Variants in SWAP70 observed in about 807,000 individuals in gnomAD.
SWAP70 encodes switch-associated protein 70.
A neutral mutation model predicts 80.2 loss-of-function variants in SWAP70; 34 were observed. The observed-to-expected ratio is 0.42, with a 90% CI of 0.32 to 0.56. The LOEUF (loss-of-function observed/expected upper bound fraction) is 0.56. SWAP70 is among the 20% of genes least tolerant of loss of function. The pLI, the probability that SWAP70 is intolerant of heterozygous loss-of-function variation, is 0.09. For missense variants in SWAP70, 578 were observed against 690.7 expected, an observed-to-expected ratio of 0.84 and a Z score of 1.83; for synonymous variants, 239 against 238.5, an observed-to-expected ratio of 1.00 and a Z score of -0.02.
chr11:9,715,879 A>G (rs397602), intron 3 of SWAP70, among the ~76,000 whole-genome samples: 49,598 of 152,008 alleles, frequency 0.33, 8,337 homozygotes, highest in Non-Finnish European at 0.35. Flanking sequence ...CCTATGAGGG[A>G]GAGTTCTCCA....
rs572937271 is a variant in SWAP70, at chr11:9,670,714, A to G, written c.99+6436A>G. 5.3e-5 allele frequency among the ~76,000 whole-genome samples: 8 copies of G among 152,188 alleles called. No homozygotes were observed. In the South Asian group the frequency reaches 1.7e-3, roughly 32 times the overall value. On this transcript the variant is annotated intron_variant, in intron 1 of 11. Coordinates refer to ENST00000318950, the MANE Select transcript of SWAP70 (RefSeq NM_015055.4). ...AAACTTTTAAGGAAAACATGGTCTC[A>G]TACCTTTGAGAGTTAATTTTTTATT...
chr11:9,748,321 A>G (rs1310671884), intron 10 of SWAP70, among the ~76,000 whole-genome samples: 7 of 152,218 alleles, frequency 4.6e-5, no homozygotes, highest in Non-Finnish European at 1.0e-4. Flanking sequence ...TGTTGTAAAG[A>G]AGGCTTTGAG....
At chr11:9,709,091 TA>T (rs1850960614) in intron 2 of SWAP70, among the ~76,000 whole-genome samples, 1 of 151,476 alleles carries the variant, frequency 6.6e-6, no homozygotes, top group Admixed American at 6.6e-5. Flanking sequence ...TGTTTTTCTT[TA>T]AAGACAGGGG....
At chr11:9,682,521 A>C (rs773222061) in intron 1 of SWAP70, among the ~76,000 whole-genome samples, 6 of 152,212 alleles carry the variant, frequency 3.9e-5, no homozygotes, top group Non-Finnish European at 7.3e-5. Flanking sequence ...AAGACCAGAA[A>C]GAGATCTATG....
chr11:9,722,059 C>G lies in SWAP70; in HGVS notation c.415-2599C>G, dbSNP rs561122402. Among the ~76,000 whole-genome samples, 30 of 152,230 alleles carry G rather than the reference C, an allele frequency of 2.0e-4. 1 individual carries two copies. The highest frequency in any genetic ancestry group is 8.3e-4 in the South Asian group (4 of 4,826). ...CTTTCTTTTGTTTCATAAATGCTTTCTTTAAATGTAATTTTGAATGGTTGA... is the reference window on the plus strand; with the variant it reads ...CTTTCTTTTGTTTCATAAATGCTTTGTTTAAATGTAATTTTGAATGGTTGA... On this transcript the variant is annotated intron_variant, in intron 3 of 11. Coordinates refer to ENST00000318950, the MANE Select transcript of SWAP70 (RefSeq NM_015055.4).
At chr11:9,705,395 ATACACTGGTGATCTGTG>A (rs1850892456) in intron 2 of SWAP70, among the ~76,000 whole-genome samples, 1 of 132,110 alleles carries the variant, frequency 7.6e-6, no homozygotes, top group Admixed American at 7.2e-5. Flanking sequence ...GGTGATCTGT[ATACACTGGTGATCTGTG>A]TACACTTGGT....
At chr11:9,697,293 CT>C (rs1010080535) in intron 2 of SWAP70, among the ~76,000 whole-genome samples, 3 of 138,422 alleles carry the variant, frequency 2.2e-5, no homozygotes, top group African/African-American at 5.4e-5. Context: ...TTTTGAGATT[CT>C]TTTTTTTTTC....
At position 9,675,320 on chromosome 11, in the gene SWAP70, CGAGAGAGA is replaced by C. The variant is rs111414369; in HGVS notation, c.99+11056_99+11063del. ...AAGAAAGAAAGAAACAGAGAGGGAG[CGAGAGAGA>C]GAGAGAGAGAGAGGGAGCGAGAGAG... On this transcript the variant is annotated intron_variant, in intron 1 of 11. Coordinates refer to ENST00000318950, the MANE Select transcript of SWAP70 (RefSeq NM_015055.4). 1.3e-4 allele frequency among the ~76,000 whole-genome samples: 4 copies of C among 31,464 alleles called. 1 individual carries two copies. Among genetic ancestry groups the C allele is most frequent in the Non-Finnish European group, 2.0e-4 (2 of 10,010 alleles). 20.6% of individuals were successfully genotyped at this position (31,464 alleles called of 152,430 possible).
chr11:9,704,221 C>T (rs1850870548), intron 2 of SWAP70, among the ~76,000 whole-genome samples: 1 of 152,058 alleles, frequency 6.6e-6, no homozygotes, highest in African/African-American at 2.4e-5. Context: ...TATGGCCTTA[C>T]TGTGTATATA....
rs1322739589 is a variant in SWAP70 at position 9,750,779 on chromosome 11, C to T, written c.*809C>T. On this transcript the variant is annotated 3_prime_UTR_variant, in exon 12 of 12. Transcript: ENST00000318950. ...ACACTTGACATGGAATGCCTTTGAC[C>T]ATTGGTGCTCTGACAGAGAAGTCAT... 1.3e-5 allele frequency: 2 copies of T among 152,246 alleles called. No homozygotes were observed. Among genetic ancestry groups the T allele is most frequent in the Non-Finnish European group, 2.9e-5 (2 of 68,060 alleles). 9.4% of individuals were successfully genotyped at this position (152,246 alleles called of 1,614,324 possible). A position where few individuals can be genotyped will look rare whatever the true frequency, so the allele number is the denominator to read the frequency against.
intron 3 of SWAP70, among the ~76,000 whole-genome samples, chr11:9,714,668 A>G (rs1851041542): frequency 6.6e-6 from 1 of 152,142 alleles, no homozygotes; most frequent in Admixed American, 6.5e-5. Context: ...GATGGAAGCA[A>G]CAGTAGGCAG....
chr11:9,732,090 T>C (rs1208462479), intron 6 of SWAP70, among the ~76,000 whole-genome samples: 1 of 152,206 alleles, frequency 6.6e-6, no homozygotes, highest in African/African-American at 2.4e-5. Flanking sequence ...GGTTGCAAAT[T>C]AGATATCAGA....
intron 2 of SWAP70, among the ~76,000 whole-genome samples, chr11:9,707,464 C>T (rs756737564): frequency 6.6e-6 from 1 of 151,574 alleles, no homozygotes; most frequent in African/African-American, 2.4e-5. Context: ...CCTCAGGGTT[C>T]TTCCCTATTG....
At chr11:9,713,403 A>G in intron 2 of SWAP70, 63 bp from the exon 3 acceptor site, 1 of 1,474,314 alleles carries the variant, frequency 6.8e-7, no homozygotes, top group South Asian at 1.4e-5. Context: ...TTTCTATTTT[A>G]CTTGCCTTAG....
At chr11:9,742,689 G>A (rs1349118108) in intron 9 of SWAP70, among the ~76,000 whole-genome samples, 3 of 152,128 alleles carry the variant, frequency 2.0e-5, no homozygotes, top group Non-Finnish European at 4.4e-5. Flanking sequence ...ACTGAAGGCT[G>A]TGGCTGATTC....
chr11:9,671,620 CTATATAAA>C (rs1850398304), intron 1 of SWAP70, among the ~76,000 whole-genome samples: 1 of 20,612 alleles, frequency 4.9e-5, no homozygotes, highest in Non-Finnish European at 7.9e-5. Context: ...AAATATATTT[CTATATAAA>C]TATATAAATA....
intron 9 of SWAP70, among the ~76,000 whole-genome samples, chr11:9,743,572 A>G (rs1851470981): frequency 6.6e-6 from 1 of 151,354 alleles, no homozygotes; most frequent in South Asian, 2.1e-4. Context: ...TTGTTTCCTG[A>G]CTTTTTAATG....
intron 5 of SWAP70, 92 bp from the exon 6 acceptor site, chr11:9,729,251 A>G: frequency 1.3e-6 from 1 of 795,326 alleles, no homozygotes; most frequent in Non-Finnish European, 2.1e-6. Context: ...TTTCATTGAC[A>G]TTAAGTTTCA....
At chr11:9,671,824 A>G (rs1486474653) in intron 1 of SWAP70, among the ~76,000 whole-genome samples, 1 of 102,840 alleles carries the variant, frequency 9.7e-6, no homozygotes, top group African/African-American at 4.0e-5. Flanking sequence ...ATATAAATAT[A>G]TAATATAATA....
Sources: gnomAD v4.1 joint callset for allele counts (sites outside exome capture counted in the v4.1 genomes callset) on GRCh38, gnomAD v4.1.1 for gene constraint, MANE v1.5 for transcripts, NCBI Gene and HGNC (gene_info 2026-07-23, HGNC 2026-07-21) for gene names.